The following HP1BP3 variants were observed in gnomAD, a reference collection of about 807,000 sequenced individuals.
The protein encoded by HP1BP3 is heterochromatin protein 1-binding protein 3.
Under a neutral mutation model 62.5 loss-of-function variants are expected in HP1BP3, and 12 were observed. The ratio of observed to expected loss-of-function variants is 0.19; its 90% CI spans 0.12 to 0.31. The LOEUF (loss-of-function observed/expected upper bound fraction) is 0.31. Among genes scored for constraint, HP1BP3 ranks in the 10% least tolerant of loss-of-function variants. The probability of loss-of-function intolerance (pLI) is 1.00; values close to 1 mark genes in which losing one functional copy is unlikely to be tolerated. For synonymous variants in HP1BP3, 260 were observed against 237.8 expected (o/e 1.09, Z -0.86); for missense variants, 502 against 651.8 (o/e 0.77, Z 2.50).
intron 3 of HP1BP3, among the ~76,000 whole-genome samples, chr1:20,778,204 G>A (rs2057387401): frequency 6.6e-6 from 1 of 152,072 alleles, no homozygotes; most frequent in African/African-American, 2.4e-5. Context: ...CAAGAGTTAT[G>A]GCTTAATAAA....
rs892438845 is a variant in HP1BP3 at position 20,779,897 on chromosome 1, G to A, written c.111C>T (p.Ser37=). 2 of 1,612,108 alleles carry A rather than the reference G, an allele frequency of 1.2e-6. No individual in the cohort carries two copies. The highest frequency in any genetic ancestry group is 1.3e-5 in the African/African-American group (1 of 74,802). The change falls in exon 3 of 13, where the codon AGC becomes AGT. Residue 37 remains serine, a synonymous_variant. Coordinates refer to ENST00000438032, the MANE Select transcript of HP1BP3 (RefSeq NM_001372052.1). ...TCACAGTTCGACGAATCGGCATGGT[G>A]CTATCTTCTACCTTCTAAGAAAAGA... ...ADKLGEKVED[S]TMPIRRTVNS...
chr1:20,745,778 C>A (rs889424982), intron 11 of HP1BP3, 122 bp from the exon 12 acceptor site: 3 of 926,894 alleles, frequency 3.2e-6, no homozygotes, highest in Non-Finnish European at 4.8e-6. Context: ...AAATGTCAAG[C>A]TAGGTTACAC....
intron 4 of HP1BP3, among the ~76,000 whole-genome samples, chr1:20,775,186 T>C (rs2057248880): frequency 1.3e-5 from 2 of 152,122 alleles, no homozygotes; most frequent in Non-Finnish European, 1.5e-5. Flanking sequence ...ACTGTTATCA[T>C]AGGAAATGAC....
At chr1:20,767,764 T>C (rs1053296163) in intron 6 of HP1BP3, 100 bp from the exon 7 acceptor site, 2 of 716,768 alleles carry the variant, frequency 2.8e-6, no homozygotes, top group Non-Finnish European at 4.6e-6. Flanking sequence ...TAAAGTGGTG[T>C]TTACTTCTTC....
chr1:20,769,026 T>C (rs1477321036), intron 6 of HP1BP3, among the ~76,000 whole-genome samples: 1 of 152,210 alleles, frequency 6.6e-6, no homozygotes, highest in African/African-American at 2.4e-5. Context: ...TTTGCTGACA[T>C]GTTACACAAC....
At chr1:20,755,407 A>G (rs764245966) in intron 9 of HP1BP3, 24 of 452,592 alleles carry the variant, frequency 5.3e-5, no homozygotes, top group Non-Finnish European at 8.9e-5. Flanking sequence ...CCCCATTTCT[A>G]CAAAAAATAC....
rs138698371 is a variant in HP1BP3 at position 20,745,457 on chromosome 1, T to G, written c.1367+86A>C. 153 of 1,464,096 alleles carry G rather than the reference T, an allele frequency of 1.0e-4. 1 individual carries two copies. In the African/African-American group the frequency reaches 2.1e-3, roughly 20 times the overall value. 90.7% of individuals were successfully genotyped at this position (1,464,096 alleles called of 1,614,324 possible). On this transcript the variant is annotated intron_variant, in intron 12 of 12. Coordinates refer to ENST00000438032, the MANE Select transcript of HP1BP3 (RefSeq NM_001372052.1). ...AGGATCCTGAGTTTCTGAAATGCTT[T>G]TTAGCTTTAGCCCCTCCTATAGCAC...
chr1:20,747,698 G>T lies in HP1BP3; in HGVS notation c.1142-43C>A, dbSNP rs764843409. On this transcript the variant is annotated intron_variant, in intron 10 of 12. Coordinates refer to ENST00000438032, the MANE Select transcript of HP1BP3 (RefSeq NM_001372052.1). ...GAAATGAAAGTTATCTAGTTATTCA[G>T]ATTAGATAATTCCCTCAACCACAAA... 23 of 1,226,758 alleles carry T rather than the reference G, an allele frequency of 1.9e-5. No individual in the cohort carries two copies. The East Asian group carries it at 5.1e-4, about 27-fold the overall frequency. 76.0% of individuals were successfully genotyped at this position (1,226,758 alleles called of 1,614,324 possible).
intron 9 of HP1BP3, chr1:20,755,511 G>C (rs1375282494): frequency 3.2e-5 from 11 of 345,306 alleles, no homozygotes. Context: ...GGAGGTGGAG[G>C]TTGCAGTGAG....
At chr1:20,782,624 C>T (rs1295605804) in intron 1 of HP1BP3, among the ~76,000 whole-genome samples, 4 of 151,154 alleles carry the variant, frequency 2.6e-5, no homozygotes, top group Non-Finnish European at 5.9e-5. Flanking sequence ...ACAAAAGGGC[C>T]AGGCATGGTG....
intron 4 of HP1BP3, 150 bp downstream of exon 4, chr1:20,776,447 A>G (rs1002975996): frequency 2.8e-5 from 19 of 686,792 alleles, no homozygotes; most frequent in African/African-American, 2.7e-4. Flanking sequence ...CAACTATATA[A>G]TAAACCTATT....
chr1:20,751,991 G>A lies in HP1BP3; in HGVS notation c.982-2109C>T, dbSNP rs556921118. On this transcript the variant is annotated intron_variant, in intron 9 of 12. Transcript: ENST00000438032. ...AAAACTAAGATATGCCAGACGCAGT[G>A]GCTCATGCCTGTAATCCCAGCACTT... Among the ~76,000 whole-genome samples, 7 of 151,992 alleles carry A rather than the reference G, an allele frequency of 4.6e-5. No homozygotes were observed. The South Asian group carries it at 1.5e-3, about 32-fold the overall frequency.
intron 11 of HP1BP3, among the ~76,000 whole-genome samples, chr1:20,746,544 A>AAATC (rs1175197018): frequency 6.6e-6 from 1 of 152,202 alleles, no homozygotes; most frequent in Non-Finnish European, 1.5e-5. Context: ...ACTTTACTGG[A>AAATC]AATCAAAAGG....
intron 8 of HP1BP3, among the ~76,000 whole-genome samples, chr1:20,758,214 T>C (rs569605995): frequency 1.3e-5 from 2 of 152,298 alleles, no homozygotes; most frequent in East Asian, 3.9e-4. Flanking sequence ...TTTAGCATGC[T>C]GTAATGGTCA....
intron 1 of HP1BP3, among the ~76,000 whole-genome samples, chr1:20,782,132 G>A (rs547581721): frequency 2.6e-5 from 4 of 152,240 alleles, no homozygotes; most frequent in African/African-American, 4.8e-5. Flanking sequence ...TCCGTTCATA[G>A]GCATCTTTAA....
At chr1:20,758,407 G>A (rs570829262) in intron 8 of HP1BP3, among the ~76,000 whole-genome samples, 4 of 150,418 alleles carry the variant, frequency 2.7e-5, no homozygotes, top group East Asian at 4.0e-4. Flanking sequence ...GTGCAGTGGC[G>A]CGATCTCAGG....
At chr1:20,769,736 G>T (rs886795436) in intron 6 of HP1BP3, among the ~76,000 whole-genome samples, 1 of 152,126 alleles carries the variant, frequency 6.6e-6, no homozygotes, top group African/African-American at 2.4e-5. Context: ...TTAAATATCA[G>T]TTTTACATTT....
chr1:20,776,299 C>T (rs1353715915), intron 4 of HP1BP3: 1 of 425,452 alleles, frequency 2.4e-6, no homozygotes, highest in Non-Finnish European at 4.1e-6. Context: ...TTATTGAAGT[C>T]TTGCCAATGC....
chr1:20,748,872 T>C (rs1240814550), intron 10 of HP1BP3, among the ~76,000 whole-genome samples: 1 of 152,222 alleles, frequency 6.6e-6, no homozygotes, highest in Non-Finnish European at 1.5e-5. Flanking sequence ...ATTGTGCCTC[T>C]TCTAATAGTT....
Sources: gnomAD v4.1 joint callset for allele counts (sites outside exome capture counted in the v4.1 genomes callset) on GRCh38, gnomAD v4.1.1 for gene constraint, MANE v1.5 for transcripts, NCBI Gene and HGNC (gene_info 2026-07-23, HGNC 2026-07-21) for gene names.